ADAMTSL1: variants seen among roughly 807,000 people sequenced by gnomAD.
The protein encoded by ADAMTSL1 is ADAMTS like 1.
In ADAMTSL1, 126 loss-of-function variants were observed where a neutral mutation model predicts 201.8. The observed-to-expected ratio is 0.62, with a 90% CI of 0.54 to 0.72. The LOEUF is 0.72. Ranked by LOEUF, ADAMTSL1 falls within the 30% of genes least tolerant of loss-of-function variation. The probability of loss-of-function intolerance (pLI) is 0.00; values close to 1 mark genes in which losing one functional copy is unlikely to be tolerated. For missense variants in ADAMTSL1, 2,679 were observed against 2,277.8 expected (o/e 1.18, Z -3.59); for synonymous variants, 1,121 against 903.4 (o/e 1.24, Z -4.32).
intron 4 of ADAMTSL1, among the ~76,000 whole-genome samples, chr9:18,607,539 G>C (rs1453994786): frequency 6.6e-6 from 1 of 151,264 alleles, no homozygotes; most frequent in Admixed American, 6.6e-5. Flanking sequence ...ATAATCTTTG[G>C]TGATGATTCC....
intron 4 of ADAMTSL1, among the ~76,000 whole-genome samples, chr9:18,589,080 T>C (rs1416913688): frequency 6.6e-6 from 1 of 151,838 alleles, no homozygotes; most frequent in Non-Finnish European, 1.5e-5. Context: ...TTTTGCCATG[T>C]TGGCCAGGCT....
chr9:18,204,052 CTCT>C (rs1432524479), intron 2 of ADAMTSL1, among the ~76,000 whole-genome samples: 1 of 152,140 alleles, frequency 6.6e-6, no homozygotes, highest in African/African-American at 2.4e-5. Flanking sequence ...ACCTCCGATT[CTCT>C]TCTTAAGAAC....
chr9:18,603,398 ATGC>A (rs1824796530), intron 4 of ADAMTSL1, among the ~76,000 whole-genome samples: 1 of 151,782 alleles, frequency 6.6e-6, no homozygotes, highest in Non-Finnish European at 1.5e-5. Context: ...ATGCTATGCT[ATGC>A]TATGCTATGC....
intron 2 of ADAMTSL1, among the ~76,000 whole-genome samples, chr9:18,438,926 C>A (rs748500135): frequency 6.6e-6 from 1 of 152,120 alleles, no homozygotes; most frequent in African/African-American, 2.4e-5. Context: ...GCTCCAGTCC[C>A]GAGCCTTTGT....
intron 2 of ADAMTSL1, among the ~76,000 whole-genome samples, chr9:18,225,236 T>G (rs1387414179): frequency 6.6e-6 from 1 of 152,140 alleles, no homozygotes; most frequent in Non-Finnish European, 1.5e-5. Flanking sequence ...AAACATACCT[T>G]CCTCTAAAGT....
At chr9:18,004,147 A>T (rs1819722344) in intron 1 of ADAMTSL1, among the ~76,000 whole-genome samples, 2 of 152,016 alleles carry the variant, frequency 1.3e-5, no homozygotes, top group Admixed American at 6.6e-5. Flanking sequence ...CTGCTGAGGA[A>T]ATGTTTCAGC....
chr9:18,225,526 C>T (rs1361843771), intron 2 of ADAMTSL1, among the ~76,000 whole-genome samples: 1 of 152,084 alleles, frequency 6.6e-6, no homozygotes, highest in African/African-American at 2.4e-5. Flanking sequence ...TTCTACTAGG[C>T]AATACGTTAT....
intron 1 of ADAMTSL1, among the ~76,000 whole-genome samples, chr9:18,031,200 G>C (rs976139625): frequency 1.3e-5 from 2 of 152,134 alleles, no homozygotes; most frequent in Non-Finnish European, 2.9e-5. Context: ...CAATCCTTTA[G>C]AGGTGAAAAA....
At chr9:18,172,920 T>C (rs1243918321) in intron 2 of ADAMTSL1, among the ~76,000 whole-genome samples, 1 of 152,056 alleles carries the variant, frequency 6.6e-6, no homozygotes, top group Non-Finnish European at 1.5e-5. Flanking sequence ...AGAGAAAATA[T>C]ATATAAAGAC....
At chr9:18,044,282 T>C (rs774039959) in intron 1 of ADAMTSL1, among the ~76,000 whole-genome samples, 3 of 151,918 alleles carry the variant, frequency 2.0e-5, no homozygotes, top group Non-Finnish European at 4.4e-5. Flanking sequence ...AGGGCTCATG[T>C]TGAGCCCTGA....
At position 18,035,519 on chromosome 9, in the gene ADAMTSL1, T is replaced by C. The variant is rs569361471; in HGVS notation, c.88-128343T>C. 3.3e-5 allele frequency among the ~76,000 whole-genome samples: 5 copies of C among 152,290 alleles called. No individual in the cohort carries two copies. The East Asian group carries it at 5.8e-4, about 18-fold the overall frequency. ...GGCATGTTTTCTCTTCAGATACTTATACAATTTACTTCCTCACCACCTCAT... is the reference window on the plus strand; with the variant it reads ...GGCATGTTTTCTCTTCAGATACTTACACAATTTACTTCCTCACCACCTCAT... On this transcript the variant is annotated intron_variant, in intron 1 of 29. Coordinates refer to the ADAMTSL1 transcript ENST00000680146.
chr9:18,589,290 A>G (rs1049252260), intron 4 of ADAMTSL1, among the ~76,000 whole-genome samples: 1 of 151,912 alleles, frequency 6.6e-6, no homozygotes, highest in Non-Finnish European at 1.5e-5. Context: ...CAGATCTCTC[A>G]CTTCTTTGGT....
At chr9:18,246,707 C>G (rs2132472303) in intron 2 of ADAMTSL1, among the ~76,000 whole-genome samples, 1 of 152,294 alleles carries the variant, frequency 6.6e-6, no homozygotes, top group African/African-American at 2.4e-5. Context: ...TGAGATAATA[C>G]TCTTCCATAT....
intron 1 of ADAMTSL1, among the ~76,000 whole-genome samples, chr9:17,996,397 A>C (rs1436567375): frequency 6.6e-6 from 1 of 152,092 alleles, no homozygotes; most frequent in Non-Finnish European, 1.5e-5. Context: ...TTTCAGTATA[A>C]GGTGAGGGTA....
At chr9:18,488,235 T>A (rs970070825) in intron 1 of ADAMTSL1, among the ~76,000 whole-genome samples, 1 of 152,168 alleles carries the variant, frequency 6.6e-6, no homozygotes. Context: ...TTACCTTAGA[T>A]CTGTTCTGTC....
chr9:18,102,601 G>T (rs1479027051), intron 1 of ADAMTSL1, among the ~76,000 whole-genome samples: 1 of 152,184 alleles, frequency 6.6e-6, no homozygotes, highest in East Asian at 1.9e-4. Flanking sequence ...CAAGATGTGG[G>T]AGCAGGTCAT....
At chr9:18,532,050 A>G (rs922340971) in intron 2 of ADAMTSL1, among the ~76,000 whole-genome samples, 5 of 152,212 alleles carry the variant, frequency 3.3e-5, no homozygotes, top group Admixed American at 6.5e-5. Context: ...TGTACCTGGA[A>G]TTCTAAAACT....
At chr9:18,004,193 T>C (rs1213737029) in intron 1 of ADAMTSL1, among the ~76,000 whole-genome samples, 1 of 151,902 alleles carries the variant, frequency 6.6e-6, no homozygotes, top group African/African-American at 2.4e-5. Context: ...CATGGAATGA[T>C]TTTGCAATAT....
At chr9:18,125,086 G>T (rs900081231) in intron 1 of ADAMTSL1, among the ~76,000 whole-genome samples, 9 of 152,166 alleles carry the variant, frequency 5.9e-5, no homozygotes, top group African/African-American at 2.2e-4. Context: ...TCACACTGCT[G>T]ATAAAGACAT....
Sources: gnomAD v4.1 joint callset for allele counts (sites outside exome capture counted in the v4.1 genomes callset) on GRCh38, gnomAD v4.1.1 for gene constraint, MANE v1.5 for transcripts, NCBI Gene and HGNC (gene_info 2026-07-23, HGNC 2026-07-21) for gene names.